Variants in DLGAP2 observed in about 807,000 individuals in gnomAD.
DLGAP2 encodes the protein DLG associated protein 2.
In DLGAP2, 26 loss-of-function variants were observed where a neutral mutation model predicts 100.3. The ratio of observed to expected loss-of-function variants is 0.26; its 90% CI spans 0.19 to 0.36. The LOEUF (loss-of-function observed/expected upper bound fraction) is 0.36. Among genes scored for constraint, DLGAP2 ranks in the 10% least tolerant of loss-of-function variants. DLGAP2 has a pLI of 1.00. For missense variants in DLGAP2, 1,858 were observed against 1,453.2 expected (o/e 1.28, Z -4.53); for synonymous variants, 886 against 630.1 (o/e 1.41, Z -6.08).
chr8:932,829 T>A (rs560602215), intron 2 of DLGAP2, among the ~76,000 whole-genome samples: 11 of 152,090 alleles, frequency 7.2e-5, no homozygotes, highest in Middle Eastern at 3.4e-3. Flanking sequence ...AAAAAAAAAA[T>A]TTCTTAAGAT....
chr8:1,066,617 C>A (rs1017076572), intron 2 of DLGAP2, among the ~76,000 whole-genome samples: 1 of 151,938 alleles, frequency 6.6e-6, no homozygotes, highest in Admixed American at 6.6e-5. Flanking sequence ...GGCAGCTCCC[C>A]ACCACGGTCA....
At chr8:1,438,297 G>A (rs1412821406) in intron 3 of DLGAP2, among the ~76,000 whole-genome samples, 1 of 152,202 alleles carries the variant, frequency 6.6e-6, no homozygotes, top group South Asian at 2.1e-4. Flanking sequence ...ATGAGGAAGG[G>A]TAAGGGGTCT....
At chr8:1,065,293 A>G (rs1803211262) in intron 2 of DLGAP2, among the ~76,000 whole-genome samples, 1 of 152,244 alleles carries the variant, frequency 6.6e-6, no homozygotes, top group Non-Finnish European at 1.5e-5. Context: ...TTATTTCAAG[A>G]TAACAACTGG....
chr8:862,523 C>T (rs1797412973), intron 1 of DLGAP2, among the ~76,000 whole-genome samples: 1 of 152,040 alleles, frequency 6.6e-6, no homozygotes, highest in African/African-American at 2.4e-5. Flanking sequence ...AGGCTGGTCT[C>T]GATCTCCTGA....
At position 1,332,258 on chromosome 8, in the gene DLGAP2, A is replaced by G. The variant is rs527334351; in HGVS notation, c.106+73375A>G. 3.7e-4 allele frequency among the ~76,000 whole-genome samples: 57 copies of G among 152,142 alleles called. No individual in the cohort carries two copies. In the East Asian group the frequency reaches 0.01, roughly 27 times the overall value. On this transcript the variant is annotated intron_variant, in intron 3 of 14. Transcript: ENST00000637795. Reference sequence around the variant, plus strand: ...TGCATATGTGAGTATATGCATGTGTATATGTGTTTATATACATCTGTGTAC... The same window carrying G: ...TGCATATGTGAGTATATGCATGTGTGTATGTGTTTATATACATCTGTGTAC...
intron 2 of DLGAP2, among the ~76,000 whole-genome samples, chr8:1,004,608 G>A (rs2129018968): frequency 6.6e-6 from 1 of 152,290 alleles, no homozygotes; most frequent in East Asian, 1.9e-4. Flanking sequence ...ATCGGATTGT[G>A]TCCACAGCTC....
chr8:1,096,623 G>A (rs75499847), intron 2 of DLGAP2, among the ~76,000 whole-genome samples: 13,407 of 149,962 alleles, frequency 0.089, 332 homozygotes, highest in East Asian at 0.19. Context: ...CCCCTCCAGC[G>A]TGAGACCCAC....
intron 3 of DLGAP2, among the ~76,000 whole-genome samples, chr8:1,316,658 C>T (rs1227257292): frequency 7.0e-6 from 1 of 142,826 alleles, no homozygotes; most frequent in Non-Finnish European, 1.5e-5. Context: ...GGTCTACACT[C>T]GAGACACTTG....
At chr8:751,361 A>G (rs1820784212) in intron 1 of DLGAP2, among the ~76,000 whole-genome samples, 2 of 152,102 alleles carry the variant, frequency 1.3e-5, no homozygotes, top group African/African-American at 4.8e-5. Context: ...TCTCGTGGAA[A>G]GGAGCGTTTT....
intron 3 of DLGAP2, among the ~76,000 whole-genome samples, chr8:1,295,019 A>G (rs1585230873): frequency 6.6e-6 from 1 of 152,216 alleles, no homozygotes; most frequent in Non-Finnish European, 1.5e-5. Flanking sequence ...ATCATTGTTA[A>G]TAGAAGGGTG....
intron 2 of DLGAP2, among the ~76,000 whole-genome samples, chr8:1,091,483 A>T (rs552044541): frequency 6.6e-6 from 1 of 152,234 alleles, no homozygotes; most frequent in Non-Finnish European, 1.5e-5. Context: ...CATCGTCTTC[A>T]TTCCACCATC....
At chr8:881,828 T>G (rs1010877594) in intron 1 of DLGAP2, among the ~76,000 whole-genome samples, 1 of 151,982 alleles carries the variant, frequency 6.6e-6, no homozygotes, top group East Asian at 1.9e-4. Flanking sequence ...ATCTCTCTTT[T>G]TATTGGAAAC....
At chr8:969,674 T>C (rs1799966945) in intron 2 of DLGAP2, among the ~76,000 whole-genome samples, 1 of 152,112 alleles carries the variant, frequency 6.6e-6, no homozygotes, top group Admixed American at 6.5e-5. Flanking sequence ...TGCAGGGAGG[T>C]GCAGTTCATG....
chr8:1,557,938 G>A (rs1017077550), intron 5 of DLGAP2, among the ~76,000 whole-genome samples: 5 of 152,194 alleles, frequency 3.3e-5, no homozygotes, highest in African/African-American at 1.2e-4. Context: ...GAATTTGGAG[G>A]AACACAATTC....
At chr8:850,744 C>T (rs1476245962) in intron 1 of DLGAP2, among the ~76,000 whole-genome samples, 1 of 152,082 alleles carries the variant, frequency 6.6e-6, no homozygotes, top group Non-Finnish European at 1.5e-5. Flanking sequence ...AACTATCTGG[C>T]TACTATTAGG....
At chr8:954,130 G>T (rs1029631245) in intron 2 of DLGAP2, among the ~76,000 whole-genome samples, 1 of 152,038 alleles carries the variant, frequency 6.6e-6, no homozygotes, top group African/African-American at 2.4e-5. Flanking sequence ...CCCAGGAAAA[G>T]GTTGTCCACA....
At chr8:1,423,912 C>A (rs1797170795) in intron 3 of DLGAP2, among the ~76,000 whole-genome samples, 3 of 152,346 alleles carry the variant, frequency 2.0e-5, no homozygotes, top group African/African-American at 4.8e-5. Context: ...ATCCCACGTT[C>A]AGAAGAACCC....
intron 5 of DLGAP2, among the ~76,000 whole-genome samples, chr8:1,563,844 G>A (rs183173236): frequency 2.2e-4 from 34 of 152,224 alleles, no homozygotes; most frequent in African/African-American, 7.9e-4. Context: ...GCTGTCGATC[G>A]GCTCACAGGC....
chr8:1,173,107 C>G (rs973625195), intron 2 of DLGAP2, among the ~76,000 whole-genome samples: 1 of 152,202 alleles, frequency 6.6e-6, no homozygotes, highest in African/African-American at 2.4e-5. Flanking sequence ...AGAGACAGGA[C>G]CCTCAGCTGC....
Sources: gnomAD v4.1 joint callset for allele counts (sites outside exome capture counted in the v4.1 genomes callset) on GRCh38, gnomAD v4.1.1 for gene constraint, MANE v1.5 for transcripts, NCBI Gene and HGNC (gene_info 2026-07-23, HGNC 2026-07-21) for gene names.